Variants in STK4 observed in about 807,000 individuals in gnomAD.
STK4 encodes the protein serine/threonine kinase 4, also known as serine/threonine-protein kinase 4.
STK4 carries 30 observed loss-of-function variants against 64.9 expected under a neutral mutation model. That is an observed-to-expected ratio of 0.46 (90% CI 0.35 to 0.63). STK4 has a LOEUF of 0.63. Ranked by LOEUF, STK4 falls within the 20% of genes least tolerant of loss-of-function variation. STK4 has a pLI of 0.01. For synonymous variants in STK4, 177 were observed against 199.0 expected, an observed-to-expected ratio of 0.89 and a Z score of 0.93; for missense variants, 466 against 598.5, an observed-to-expected ratio of 0.78 and a Z score of 2.31.
At chr20:45,045,657 C>A in intron 10 of STK4, among the ~76,000 whole-genome samples, 1 of 151,980 alleles carries the variant, frequency 6.6e-6, no homozygotes, top group Non-Finnish European at 1.5e-5. Flanking sequence ...TGCAGATTGA[C>A]AAGCTTTGTA....
In STK4 at chr20:44,966,537, G is replaced by A. The variant is rs1190051187; in HGVS notation, c.-32G>A. ...AGGAGGTCCGCGGGAGGATGGAGCA[G>A]TGAGCGGGTCTGGGCGGCTGCTGGC... On this transcript the variant is annotated 5_prime_UTR_variant, in exon 1 of 11. It adds an upstream start codon to the 5' untranslated region. Transcript: ENST00000372806. The A allele has an allele frequency of 4.0e-6, 5 of 1,260,276 alleles. No homozygotes were observed. Among genetic ancestry groups the A allele is most frequent in the Non-Finnish European group, 5.0e-6 (5 of 992,938 alleles). 78.1% of individuals were successfully genotyped at this position (1,260,276 alleles called of 1,614,324 possible).
chr20:44,994,647 A>G (rs1601224371), intron 5 of STK4, among the ~76,000 whole-genome samples: 1 of 152,218 alleles, frequency 6.6e-6, no homozygotes, highest in South Asian at 2.1e-4. Context: ...GAGATACTTG[A>G]ACATAAGATA....
In STK4 at chr20:45,079,656, T is replaced by G. The variant is rs8000; in HGVS notation, c.*4480T>G. 0.53 allele frequency: 80,674 copies of G among 152,468 alleles called. 22,416 individuals are homozygous for G. Among genetic ancestry groups the G allele is most frequent in the African/African-American group, 0.68 (28,276 of 41,466 alleles). 9.4% of individuals were successfully genotyped at this position (152,468 alleles called of 1,614,324 possible). A position where few individuals can be genotyped will look rare whatever the true frequency, so the allele number is the denominator to read the frequency against. ...TTGGAAAAAAAAAAGCTTAAATGTT[T>G]TTGCTATGTACAGTTTAAAAATGTG... On this transcript the variant is annotated 3_prime_UTR_variant, in exon 11 of 11. Coordinates refer to ENST00000372806, the MANE Select transcript of STK4 (RefSeq NM_006282.5).
At position 45,079,567 on chromosome 20, in the gene STK4, G is replaced by A. The variant is rs2145501346; in HGVS notation, c.*4391G>A. On this transcript the variant is annotated 3_prime_UTR_variant, in exon 11 of 11. Transcript: ENST00000372806. Reference sequence around the variant, plus strand: ...ATCAGTATTATATTCATTGTCTTTGGAATACATGTTCTTGTTTGTGTTTGG... The same window carrying A: ...ATCAGTATTATATTCATTGTCTTTGAAATACATGTTCTTGTTTGTGTTTGG... 6.6e-6 allele frequency: 1 copy of A among 152,428 alleles called. No homozygotes were observed. Among genetic ancestry groups the A allele is most frequent in the East Asian group, 1.9e-4 (1 of 5,184 alleles). The allele number at this position is 152,428 out of a possible 1,614,324, so 9.4% of individuals were successfully genotyped here.
intron 10 of STK4, among the ~76,000 whole-genome samples, chr20:45,034,683 G>A (rs1407616637): frequency 1.3e-5 from 2 of 149,388 alleles, no homozygotes; most frequent in South Asian, 2.1e-4. Context: ...AGGTTAAGGC[G>A]GGAGGATCAC....
In STK4 at chr20:45,032,983, A is replaced by T. The variant is rs149369010; in HGVS notation, c.1305+7853A>T. Among the ~76,000 whole-genome samples, 1,443 of 152,256 alleles carry T rather than the reference A, an allele frequency of 9.5e-3. 30 individuals are homozygous for T. The highest frequency in any genetic ancestry group is 0.033 in the African/African-American group (1,362 of 41,526). The stretch of plus-strand genomic sequence containing the variant: ...GCCATTCTGACTGGTATGAGATAGT[A>T]TCTCATTGTGGTTTTGATTTGCATT... On this transcript the variant is annotated intron_variant, in intron 10 of 10. Transcript: ENST00000372806.
intron 9 of STK4, among the ~76,000 whole-genome samples, chr20:45,002,213 C>T (rs940483284): frequency 1.3e-5 from 2 of 152,106 alleles, no homozygotes; most frequent in African/African-American, 2.4e-5. Context: ...TGATTATAAC[C>T]GCTGTGTAAT....
At chr20:45,050,518 A>C (rs901735198) in intron 10 of STK4, among the ~76,000 whole-genome samples, 1 of 152,210 alleles carries the variant, frequency 6.6e-6, no homozygotes, top group African/African-American at 2.4e-5. Context: ...ACTGTTCACA[A>C]ATTTGAAATT....
intron 10 of STK4, among the ~76,000 whole-genome samples, chr20:45,073,903 C>A (rs148103098): frequency 1.3e-5 from 2 of 152,340 alleles, no homozygotes; most frequent in East Asian, 1.9e-4. Context: ...TTAATTCTTA[C>A]AATACATGTG....
chr20:45,020,630 A>G (rs1054357441), intron 9 of STK4, among the ~76,000 whole-genome samples: 40 of 151,968 alleles, frequency 2.6e-4, no homozygotes, highest in African/African-American at 8.5e-4. Flanking sequence ...GTTAGGTTGG[A>G]CTCAGGTAGG....
chr20:45,013,154 T>C (rs1462719792), intron 9 of STK4, among the ~76,000 whole-genome samples: 1 of 151,924 alleles, frequency 6.6e-6, no homozygotes, highest in Non-Finnish European at 1.5e-5. Context: ...GAGCTGGTAG[T>C]GGACATTCTT....
rs1269301159 is a variant in STK4, at chr20:45,079,918, C to T, written c.*4742C>T. 2 of 152,240 alleles carry T rather than the reference C, an allele frequency of 1.3e-5. No homozygotes were observed. Among genetic ancestry groups the T allele is most frequent in the Non-Finnish European group, 2.9e-5 (2 of 68,038 alleles). 9.4% of individuals were successfully genotyped at this position (152,240 alleles called of 1,614,324 possible). ...CTTTTCTTCTTCCTATACCTCATCACGTTTGTTTTAAATAAACTGTCCTTT... is the reference window on the plus strand; with the variant it reads ...CTTTTCTTCTTCCTATACCTCATCATGTTTGTTTTAAATAAACTGTCCTTT... On this transcript the variant is annotated 3_prime_UTR_variant, in exon 11 of 11. Transcript: ENST00000372806.
chr20:45,035,402 C>T (rs6031943), intron 10 of STK4, among the ~76,000 whole-genome samples: 2,702 of 152,102 alleles, frequency 0.018, 83 homozygotes, highest in African/African-American at 0.061. Context: ...TATATATATA[C>T]AGATTAAGAG....
At chr20:45,031,831 G>C (rs909756239) in intron 10 of STK4, among the ~76,000 whole-genome samples, 6 of 151,010 alleles carry the variant, frequency 4.0e-5, no homozygotes, top group Middle Eastern at 3.2e-3. Flanking sequence ...CTTGAACCCA[G>C]GAGGCGGAGG....
At position 45,023,273 on chromosome 20, in the gene STK4, T is replaced by C. The variant is rs551518326; in HGVS notation, c.1148-1700T>C. On this transcript the variant is annotated intron_variant, in intron 9 of 10. Transcript: ENST00000372806. ...TAGGAAACCATTGGCAGTCTGTGGA[T>C]ATGGGCAGATACGGGATTGGCTGCT... Among the ~76,000 whole-genome samples the C allele has an allele frequency of 2.6e-5, 4 of 152,264 alleles. No individual in the cohort carries two copies. In the South Asian group the frequency reaches 8.3e-4, roughly 32 times the overall value.
intron 10 of STK4, among the ~76,000 whole-genome samples, chr20:45,037,521 G>C (rs1326747347): frequency 2.0e-5 from 3 of 152,090 alleles, no homozygotes; most frequent in Non-Finnish European, 4.4e-5. Flanking sequence ...CCACCAAACT[G>C]TTAATTCAAA....
chr20:45,007,655 C>A (rs1451993102), intron 9 of STK4: 2 of 268,332 alleles, frequency 7.5e-6, no homozygotes, highest in African/African-American at 4.5e-5. Context: ...GGCGTTAGAT[C>A]CATAATAGAA....
chr20:45,070,528 G>A (rs1979964991), intron 10 of STK4, among the ~76,000 whole-genome samples: 1 of 152,270 alleles, frequency 6.6e-6, no homozygotes, highest in East Asian at 1.9e-4. Context: ...AGACTGGGGA[G>A]TAAGGAGACA....
At chr20:45,062,780 C>T (rs1287231359) in intron 10 of STK4, among the ~76,000 whole-genome samples, 6 of 151,584 alleles carry the variant, frequency 4.0e-5, no homozygotes, top group Admixed American at 3.3e-4. Flanking sequence ...CGGGTTCACG[C>T]CATTCCCCGG....
Sources: gnomAD v4.1 joint callset for allele counts (sites outside exome capture counted in the v4.1 genomes callset) on GRCh38, gnomAD v4.1.1 for gene constraint, MANE v1.5 for transcripts, NCBI Gene and HGNC (gene_info 2026-07-23, HGNC 2026-07-21) for gene names.